Variants in C17orf78 observed in about 807,000 individuals in gnomAD.
C17orf78 encodes chromosome 17 open reading frame 78.
In C17orf78, 27 loss-of-function variants were observed where a neutral mutation model predicts 31.8. The ratio of observed to expected loss-of-function variants is 0.85; its 90% CI spans 0.63 to 1.17. C17orf78 has a LOEUF of 1.17. Ranked by LOEUF, C17orf78 falls within the 50% of genes most tolerant of loss-of-function variation. The pLI is 0.00. For missense variants in C17orf78, 258 were observed against 315.2 expected (o/e 0.82, Z 1.37); for synonymous variants, 106 against 115.1 (o/e 0.92, Z 0.51).
Position 37,386,115 on chromosome 17 carries a change from T to C in C17orf78, c.498T>C (p.Thr166=), listed in dbSNP as rs377428299. The C allele has an allele frequency of 2.6e-4, 409 of 1,563,128 alleles. No individual in the cohort carries two copies. The highest frequency in any genetic ancestry group is 3.4e-4 in the Non-Finnish European group (393 of 1,141,100). Residue 166 remains threonine, a synonymous_variant, in exon 4 of 7, where the codon ACT becomes ACC. Transcript: ENST00000615133. ...CTGGGAATAAAGAAGGAGAGAAAACTACAAGTACCGGTAATTTTTCTAGCT... is the reference window on the plus strand; with the variant it reads ...CTGGGAATAAAGAAGGAGAGAAAACCACAAGTACCGGTAATTTTTCTAGCT... ...ITPGNKEGEK[T]TSTDTDENLE...
chr17:37,384,047 T>C (rs2050421042), intron 3 of C17orf78, among the ~76,000 whole-genome samples: 2 of 152,028 alleles, frequency 1.3e-5, no homozygotes, highest in Admixed American at 1.3e-4. Context: ...GGGCAGAACA[T>C]GAGGTCAGGA....
intron 3 of C17orf78, 122 bp downstream of exon 3, chr17:37,379,504 GT>G (rs911189609): frequency 7.7e-7 from 1 of 1,298,356 alleles, no homozygotes; most frequent in African/African-American, 1.5e-5. Flanking sequence ...TGATGGGGTT[GT>G]TTGTTTTTTT....
At position 37,391,710 on chromosome 17, in the gene C17orf78, C is replaced by T; in HGVS notation, c.814C>T (p.Gln272Ter). 1 of 1,613,656 alleles carries T rather than the reference C, an allele frequency of 6.2e-7. No individual in the cohort carries two copies. The highest frequency in any genetic ancestry group is 1.1e-5 in the South Asian group (1 of 91,082). The change falls in exon 7 of 7, where the codon CAG becomes TAG. Residue 272 changes from glutamine (Q) to a stop codon, truncating the protein, a stop_gained. Transcript: ENST00000615133. LOFTEE classifies it high-confidence loss of function. The part of the protein sequence containing the change: ...KKAAEITVIH[Q>*]TYF ...AGCTGCAGAGATCACTGTTATCCAC[C>T]AGACATACTTCTGAAAAGTTCTGCT...
chr17:37,390,383 C>T (rs1455261236), intron 6 of C17orf78, among the ~76,000 whole-genome samples: 5 of 122,828 alleles, frequency 4.1e-5, no homozygotes, highest in Non-Finnish European at 8.0e-5. Flanking sequence ...AATCCTAGCA[C>T]GTTGGGAGGC....
intron 3 of C17orf78, among the ~76,000 whole-genome samples, chr17:37,385,299 C>T (rs2050476506): frequency 6.6e-6 from 1 of 152,046 alleles, no homozygotes; most frequent in East Asian, 1.9e-4. Context: ...TGGTGAAACC[C>T]CATCTCTACC....
At chr17:37,379,099 A>G in intron 2 of C17orf78, 38 bp from the exon 3 acceptor site, 1 of 1,584,564 alleles carries the variant, frequency 6.3e-7, no homozygotes, top group Non-Finnish European at 8.6e-7. Flanking sequence ...AAAAAACAAA[A>G]CCAGCTCCAT....
chr17:37,379,479 G>A, intron 3 of C17orf78, 97 bp downstream of exon 3: 1 of 1,417,216 alleles, frequency 7.1e-7, no homozygotes, highest in Non-Finnish European at 9.5e-7. Context: ...ACAAGAAAAT[G>A]AATTATCCAC....
At chr17:37,384,427 C>T (rs1413051388) in intron 3 of C17orf78, among the ~76,000 whole-genome samples, 2 of 151,934 alleles carry the variant, frequency 1.3e-5, no homozygotes, top group African/African-American at 2.4e-5. Context: ...TTTTCCCCCT[C>T]TTTCAATCAT....
At chr17:37,381,027 A>G (rs946689276) in intron 3 of C17orf78, among the ~76,000 whole-genome samples, 2 of 151,982 alleles carry the variant, frequency 1.3e-5, no homozygotes, top group African/African-American at 4.8e-5. Context: ...CCCTGATGGA[A>G]CCACTATTAT....
At chr17:37,390,554 G>A (rs1161879720) in intron 6 of C17orf78, among the ~76,000 whole-genome samples, 2 of 149,370 alleles carry the variant, frequency 1.3e-5, no homozygotes, top group African/African-American at 4.9e-5. Flanking sequence ...TTGAACCCAG[G>A]AGACAGAGGT....
At chr17:37,390,175 T>TATATATATACACAC (rs60788220) in intron 6 of C17orf78, among the ~76,000 whole-genome samples, 36 of 44,504 alleles carry the variant, frequency 8.1e-4, no homozygotes, top group Admixed American at 1.3e-3. Flanking sequence ...TATATATATA[T>TATATATATACACAC]ACACACACAC....
At chr17:37,378,809 C>T (rs1195874344) in intron 2 of C17orf78, among the ~76,000 whole-genome samples, 1 of 152,160 alleles carries the variant, frequency 6.6e-6, no homozygotes, top group Non-Finnish European at 1.5e-5. Context: ...TGTCTGTAAT[C>T]CCAGCACTTT....
At position 37,383,257 on chromosome 17, in the gene C17orf78, T is replaced by C. The variant is rs142551381; in HGVS notation, c.392-2752T>C. The stretch of plus-strand genomic sequence containing the variant: ...TGAGACTTGGGGCAATTAAGGACAT[T>C]AGCTCTTAGAAATTGGGACAAGGAA... On this transcript the variant is annotated intron_variant, in intron 3 of 6. Coordinates refer to ENST00000615133, the MANE Select transcript of C17orf78 (RefSeq NM_173625.5). 4.8e-3 allele frequency among the ~76,000 whole-genome samples: 737 copies of C among 152,142 alleles called. 3 individuals carry two copies. Among genetic ancestry groups the C allele is most frequent in the African/African-American group, 0.017 (690 of 41,496 alleles).
rs778029801 is a variant in C17orf78 at position 37,379,118 on chromosome 17, C to G, written c.146-19C>G. ...AACAAAACCAGCTCCATTTTTCTAT[C>G]TGGTTCTTCTCCTTCCAGAAACTCA... On this transcript the variant is annotated intron_variant, in intron 2 of 6. Transcript: ENST00000615133. 1.0e-5 allele frequency: 16 copies of G among 1,600,640 alleles called. No homozygotes were observed. Among genetic ancestry groups the G allele is most frequent in the African/African-American group, 1.3e-5 (1 of 74,210 alleles).
chr17:37,390,333 T>TATAA (rs2050821780), intron 6 of C17orf78, among the ~76,000 whole-genome samples: 1 of 92,156 alleles, frequency 1.1e-5, no homozygotes, highest in Non-Finnish European at 2.0e-5. Flanking sequence ...TATATATATA[T>TATAA]AAAAGGCCAG....
chr17:37,390,304 T>TTTTATATATATATATATTATATATA (rs1201500381), intron 6 of C17orf78, among the ~76,000 whole-genome samples: 2 of 17,986 alleles, frequency 1.1e-4, no homozygotes, highest in Non-Finnish European at 1.6e-4. Flanking sequence ...TTATACATAA[T>TTTTATATATATATATATTATATATA]TATATATATA....
chr17:37,387,819 G>T (rs1028883105), intron 4 of C17orf78: 1 of 151,976 alleles, frequency 6.6e-6, no homozygotes, highest in South Asian at 2.1e-4. Flanking sequence ...TCCAATTTGG[G>T]TTACATCCTA....
intron 2 of C17orf78, 122 bp downstream of exon 2, chr17:37,378,087 A>G: frequency 4.5e-6 from 4 of 891,350 alleles, no homozygotes; most frequent in Non-Finnish European, 7.0e-6. Flanking sequence ...AAGGATATGT[A>G]TCCTCCCAGG....
At chr17:37,386,591 C>G (rs2050541376) in intron 4 of C17orf78, among the ~76,000 whole-genome samples, 1 of 118,820 alleles carries the variant, frequency 8.4e-6, no homozygotes, top group Non-Finnish European at 2.0e-5. Flanking sequence ...GACTTTGTCT[C>G]AACAACAACA....
Sources: gnomAD v4.1 joint callset for allele counts (sites outside exome capture counted in the v4.1 genomes callset) on GRCh38, gnomAD v4.1.1 for gene constraint, MANE v1.5 for transcripts, NCBI Gene and HGNC (gene_info 2026-07-23, HGNC 2026-07-21) for gene names.